APC: variants seen among roughly 807,000 people sequenced by gnomAD.
The protein encoded by APC is APC regulator of Wnt signaling pathway, also known as adenomatous polyposis coli protein.
A neutral mutation model predicts 247.0 loss-of-function variants in APC; 72 were observed. The ratio of observed to expected loss-of-function variants is 0.29; its 90% CI spans 0.24 to 0.35. The LOEUF (loss-of-function observed/expected upper bound fraction) is 0.35, where lower values mean the gene tolerates loss of function less well. Ranked by LOEUF, APC falls within the 10% of genes least tolerant of loss-of-function variation. APC has a pLI of 1.00. For missense variants in APC, 3,400 were observed against 3,360.7 expected (o/e 1.01, Z -0.29); for synonymous variants, 1,254 against 1,162.5 (o/e 1.08, Z -1.60).
intron 6 of APC, among the ~76,000 whole-genome samples, chr5:112,783,532 C>T (rs1758592391): frequency 6.6e-6 from 1 of 151,444 alleles, no homozygotes; most frequent in Non-Finnish European, 1.5e-5. Flanking sequence ...GTGATTCACA[C>T]CTGTAATTCT....
intron 1 of APC, among the ~76,000 whole-genome samples, chr5:112,724,047 C>G (rs995670050): frequency 3.9e-5 from 6 of 152,114 alleles, no homozygotes; most frequent in Non-Finnish European, 8.8e-5. Flanking sequence ...GGCTCCCTTT[C>G]CCTAATCCTA....
At chr5:112,740,907 AATCTTTTATACTTGTATATGTTTAAATG>A (rs1357623540) in intron 1 of APC, among the ~76,000 whole-genome samples, 3 of 152,166 alleles carry the variant, frequency 2.0e-5, no homozygotes, top group Admixed American at 6.5e-5. Context: ...AAATTTAACC[AATCTTTTATACTTGTATATGTTTAAATG>A]ATCTTTTATA....
chr5:112,731,822 C>T (rs951745652), intron 1 of APC, among the ~76,000 whole-genome samples: 14 of 152,092 alleles, frequency 9.2e-5, no homozygotes, highest in Non-Finnish European at 1.8e-4. Flanking sequence ...AGTGCAGTGG[C>T]GTGATCTCTG....
intron 8 of APC, among the ~76,000 whole-genome samples, chr5:112,813,735 T>C (rs1403477355): frequency 2.8e-5 from 4 of 144,854 alleles, no homozygotes; most frequent in South Asian, 4.3e-4. Flanking sequence ...CTGGGCAACA[T>C]AGTGAAACCT....
chr5:112,794,056 AG>A (rs35051737), intron 7 of APC, among the ~76,000 whole-genome samples: 91,580 of 148,812 alleles, frequency 0.62, 28,443 homozygotes, highest in East Asian at 0.81. Flanking sequence ...AAAAAAAAAA[AG>A]GTAGGATGAT....
In APC at chr5:112,843,764, T is replaced by G. The variant is rs750939013; in HGVS notation, c.8170T>G (p.Ser2724Ala). The change falls in exon 16 of 16, where the codon TCC (serine) becomes GCC (alanine). Residue 2724 changes from serine (S) to alanine (A), a missense_variant. Physicochemically the swap from Ser to Ala is moderately conservative, Grantham distance 99. Transcript: ENST00000257430. This position sits in a 1 kb window ranked among gnomAD's most constrained non-coding sequence, Gnocchi z 4.8. ...RTVGLENRLN[S>A]FIQVDAPDQK... is the part of the protein sequence containing the mutation. ...CGTGGGTTTGGAAAATCGCCTGAACTCCTTTATTCAGGTGGATGCCCCTGA... is the reference window on the plus strand; with the variant it reads ...CGTGGGTTTGGAAAATCGCCTGAACGCCTTTATTCAGGTGGATGCCCCTGA... 6.2e-7 allele frequency: 1 copy of G among 1,613,806 alleles called. No individual in the cohort carries two copies. The highest frequency in any genetic ancestry group is 8.5e-7 in the Non-Finnish European group (1 of 1,179,808).
intron 6 of APC, among the ~76,000 whole-genome samples, chr5:112,785,195 T>C (rs1344292954): frequency 2.0e-5 from 3 of 152,222 alleles, no homozygotes; most frequent in Admixed American, 2.0e-4. Context: ...ACAAAATAAG[T>C]GTTATGAATC....
chr5:112,784,979 G>C (rs1758784657), intron 6 of APC, among the ~76,000 whole-genome samples: 1 of 152,070 alleles, frequency 6.6e-6, no homozygotes, highest in Non-Finnish European at 1.5e-5. Flanking sequence ...TGGTAGGATT[G>C]CTTGAGCTTA....
intron 11 of APC, among the ~76,000 whole-genome samples, chr5:112,823,545 A>C (rs772360274): frequency 7.9e-5 from 12 of 152,240 alleles, no homozygotes; most frequent in African/African-American, 2.9e-4. Flanking sequence ...TAAGGAGAAA[A>C]GAAATCCCAA....
chr5:112,808,634 A>C (rs564394941), intron 8 of APC, among the ~76,000 whole-genome samples: 1 of 151,874 alleles, frequency 6.6e-6, no homozygotes, highest in Non-Finnish European at 1.5e-5. Context: ...CTTGAACTCA[A>C]ACTGATCTCA....
intron 6 of APC, among the ~76,000 whole-genome samples, chr5:112,781,595 GTAAA>G (rs1437837330): frequency 6.6e-6 from 1 of 152,050 alleles, no homozygotes; most frequent in Non-Finnish European, 1.5e-5. Flanking sequence ...TTTTCTTTAA[GTAAA>G]TATAGCAAAT....
rs193035364 is a variant in APC at position 112,708,107 on chromosome 5, C to G, written c.165+225C>G. The stretch of plus-strand genomic sequence containing the variant: ...GGATGGGGGTCGCGACGCCCGCCGT[C>G]CTCCACCTTTCCTGGCTGCTGCTGG... On this transcript the variant is annotated intron_variant, in intron 1 of 13. Coordinates refer to the APC transcript ENST00000507379. 3.4e-4 allele frequency among the ~76,000 whole-genome samples: 52 copies of G among 152,346 alleles called. 1 individual carries two copies. Among genetic ancestry groups the G allele is most frequent in the African/African-American group, 1.2e-3 (49 of 41,580 alleles).
intron 6 of APC, among the ~76,000 whole-genome samples, chr5:112,791,777 G>A (rs951332940): frequency 2.0e-5 from 3 of 152,148 alleles, no homozygotes; most frequent in Admixed American, 2.0e-4. Context: ...AAGATTAAAT[G>A]CAGGTGTAAT....
chr5:112,783,313 T>G (rs1758555087), intron 6 of APC, among the ~76,000 whole-genome samples: 2 of 152,172 alleles, frequency 1.3e-5, no homozygotes, highest in South Asian at 4.1e-4. Flanking sequence ...GTAGTTAATA[T>G]TCTAAGGAAA....
At chr5:112,773,761 C>T (rs1236471288) in intron 4 of APC, among the ~76,000 whole-genome samples, 1 of 152,044 alleles carries the variant, frequency 6.6e-6, no homozygotes, top group African/African-American at 2.4e-5. Flanking sequence ...TGCAGCCCAA[C>T]AACTGACAAA....
rs75207119 is a variant in APC, at chr5:112,842,643, C to A, written c.7049C>A (p.Ser2350Tyr). The A allele has an allele frequency of 6.2e-7, 1 of 1,613,840 alleles. No individual in the cohort carries two copies. The highest frequency in any genetic ancestry group is 2.2e-5 in the East Asian group (1 of 44,878). Residue 2350 changes from serine (S) to tyrosine (Y), a missense_variant, in exon 16 of 16, where the codon TCC (serine) becomes TAC (tyrosine). Ser to Tyr is a moderately radical substitution (Grantham distance 144). Around this residue, in one of 9 missense-constraint regions of APC, gnomAD observed 1,788 missense variants for 1,649.5 expected, o/e 1.08. Coordinates refer to ENST00000257430, the MANE Select transcript of APC (RefSeq NM_000038.6). ...NKLSQLPRTS[S>Y]PSTASTKSSG... is the part of the protein sequence containing the mutation. ...TTATCTCAACTTCCAAGGACATCAT[C>A]CCCTAGTACTGCTTCAACTAAGTCC...
In APC at chr5:112,819,183, G is replaced by A. The variant is rs2149781773; in HGVS notation, c.1151G>A (p.Ser384Asn). 6.2e-7 allele frequency: 1 copy of A among 1,614,008 alleles called. No individual in the cohort carries two copies. Among genetic ancestry groups the A allele is most frequent in the Non-Finnish European group, 8.5e-7 (1 of 1,179,984 alleles). ...AGTAAAGAGGCTCGGGCCAGGGCCA[G>A]TGCAGCACTCCACAACATCATTCAC... ...RGSKEARARA[S>N]AALHNIIHSQ... Residue 384 changes from serine (S) to asparagine (N), a missense_variant, in exon 10 of 16, where the codon AGT becomes AAT. Around this residue, in one of 9 missense-constraint regions of APC, gnomAD observed 199 missense variants for 212.5 expected, o/e 0.94. Coordinates refer to ENST00000257430, the MANE Select transcript of APC (RefSeq NM_000038.6).
chr5:112,841,425 G>A lies in APC; in HGVS notation c.5831G>A (p.Gly1944Glu), dbSNP rs1561602972. 6.2e-7 allele frequency: 1 copy of A among 1,613,848 alleles called. No homozygotes were observed. Among genetic ancestry groups the A allele is most frequent in the Non-Finnish European group, 8.5e-7 (1 of 1,179,892 alleles). The part of the protein sequence containing the change: ...PQSSKDIPDR[G>E]AATDEKLQNF... ...TCATCCAAAGACATACCAGACAGAG[G>A]GGCAGCAACTGATGAAAAGTTACAG... The change falls in exon 16 of 16, where the codon GGG becomes GAG. Residue 1944 changes from glycine (G) to glutamate (E), a missense_variant. By Grantham distance (98) the Gly-to-Glu change is moderately conservative. This residue lies in a region of APC where 1,788 missense variants were observed against 1,649.5 expected (regional missense o/e 1.08). Transcript: ENST00000257430. The surrounding 1 kb of genome is among the most constrained non-coding windows in gnomAD (Gnocchi z 4.6).
In APC at chr5:112,840,071, A is replaced by C. The variant is rs1278561240; in HGVS notation, c.4477A>C (p.Thr1493Pro). 6.2e-7 allele frequency: 1 copy of C among 1,614,116 alleles called. No homozygotes were observed. The highest frequency in any genetic ancestry group is 8.5e-7 in the Non-Finnish European group (1 of 1,179,996). The change falls in exon 16 of 16, where the codon ACG becomes CCG. Residue 1493 changes from threonine to proline, a missense_variant. Around this residue, in one of 9 missense-constraint regions of APC, gnomAD observed 1,788 missense variants for 1,649.5 expected, o/e 1.08. Transcript: ENST00000257430. The surrounding 1 kb of genome is among the most constrained non-coding windows in gnomAD (Gnocchi z 4.1). ...PDADTLLHFA[T>P]ESTPDGFSCS... ...TGCTGATACTTTATTACATTTTGCC[A>C]CGGAAAGTACTCCAGATGGATTTTC...
Sources: gnomAD v4.1 joint callset for allele counts (sites outside exome capture counted in the v4.1 genomes callset) on GRCh38, gnomAD v4.1.1 for gene constraint, gnomAD v4.1.1 regional missense constraint, Gnocchi (gnomAD v3.1) non-coding constraint, MANE v1.5 for transcripts, NCBI Gene and HGNC (gene_info 2026-07-23, HGNC 2026-07-21) for gene names.